Variants in TPRG1 observed in about 807,000 individuals in gnomAD.
TPRG1 encodes the protein tumor protein p63-regulated gene 1 protein.
A neutral mutation model predicts 29.3 loss-of-function variants in TPRG1; 29 were observed. The observed-to-expected ratio is 0.99, with a 90% confidence interval of 0.74 to 1.35. The LOEUF is 1.35. TPRG1 is among the 40% of genes most tolerant of loss of function. TPRG1 has a pLI of 0.00. For synonymous variants in TPRG1, 130 were observed against 116.8 expected, an observed-to-expected ratio of 1.11 and a Z score of -0.73; for missense variants, 327 against 335.0, an observed-to-expected ratio of 0.98 and a Z score of 0.19.
At chr3:189,014,790 C>A (rs1042143954) in intron 3 of TPRG1, among the ~76,000 whole-genome samples, 11 of 152,102 alleles carry the variant, frequency 7.2e-5, no homozygotes, top group Admixed American at 3.3e-4. Context: ...CCCTGAGGAG[C>A]CCCAGTCATG....
Position 189,323,427 on chromosome 3 carries a change from GT to G in TPRG1, c.*2608del, listed in dbSNP as rs1724481287. The G allele has an allele frequency of 6.6e-6, 1 of 152,074 alleles. No individual in the cohort carries two copies. The highest frequency in any genetic ancestry group is 2.4e-5 in the African/African-American group (1 of 41,414). 9.4% of individuals were successfully genotyped at this position (152,074 alleles called of 1,614,324 possible). A position where few individuals can be genotyped will look rare whatever the true frequency, so the allele number is the denominator to read the frequency against. ...CTTTTGCTTATTTCATAAAGATCTT[GT>G]GAGGATTCAATGAAATGAGGTTAAA... On this transcript the variant is annotated 3_prime_UTR_variant, in exon 6 of 6. Coordinates refer to ENST00000345063, the MANE Select transcript of TPRG1 (RefSeq NM_198485.4).
intron 3 of TPRG1, among the ~76,000 whole-genome samples, chr3:189,230,376 G>T (rs1738447979): frequency 6.6e-6 from 1 of 152,020 alleles, no homozygotes; most frequent in Non-Finnish European, 1.5e-5. Context: ...AGGCTTGGTT[G>T]TTCCATCTGT....
At chr3:189,211,913 CT>C (rs1288877323) in intron 2 of TPRG1, 1 of 152,038 alleles carries the variant, frequency 6.6e-6, no homozygotes, top group Non-Finnish European at 1.5e-5. Context: ...TTCAGTTCAT[CT>C]GCTATTATTG....
chr3:189,094,608 G>A (rs541557940), intron 4 of TPRG1, among the ~76,000 whole-genome samples: 4 of 152,220 alleles, frequency 2.6e-5, no homozygotes, highest in Admixed American at 6.5e-5. Context: ...TTAAATTTGC[G>A]TCATTTGTTC....
At chr3:189,297,272 T>C (rs541217052) in intron 4 of TPRG1, among the ~76,000 whole-genome samples, 1 of 152,150 alleles carries the variant, frequency 6.6e-6, no homozygotes, top group Admixed American at 6.5e-5. Context: ...TGAGCCACCA[T>C]GCCCGGCCAC....
At chr3:189,229,368 T>C (rs1738283817) in intron 3 of TPRG1, among the ~76,000 whole-genome samples, 1 of 152,104 alleles carries the variant, frequency 6.6e-6, no homozygotes, top group African/African-American at 2.4e-5. Flanking sequence ...CTATTTTCTG[T>C]GGTGGAAGTT....
chr3:189,100,729 T>C (rs1719093050), intron 1 of TPRG1, among the ~76,000 whole-genome samples: 1 of 152,184 alleles, frequency 6.6e-6, no homozygotes, highest in East Asian at 1.9e-4. Context: ...ATAAACCTTG[T>C]GATTGGCTGA....
chr3:189,103,660 T>A (rs1719470318), intron 1 of TPRG1, among the ~76,000 whole-genome samples: 1 of 152,032 alleles, frequency 6.6e-6, no homozygotes, highest in African/African-American at 2.4e-5. Flanking sequence ...AAAGCCAAGC[T>A]CACACCAAAA....
intron 4 of TPRG1, among the ~76,000 whole-genome samples, chr3:189,281,040 A>G (rs541479194): frequency 7.2e-4 from 110 of 152,316 alleles, no homozygotes; most frequent in African/African-American, 2.5e-3. Context: ...GACCCAATTC[A>G]GGCCCAATAA....
At chr3:189,005,523 T>C (rs1712244037) in intron 3 of TPRG1, among the ~76,000 whole-genome samples, 1 of 152,138 alleles carries the variant, frequency 6.6e-6, no homozygotes, top group Non-Finnish European at 1.5e-5. Flanking sequence ...AGTTGAATAT[T>C]TAGTAATTTA....
chr3:189,173,010 C>A (rs1729012496), intron 1 of TPRG1, among the ~76,000 whole-genome samples: 1 of 152,240 alleles, frequency 6.6e-6, no homozygotes, highest in African/African-American at 2.4e-5. Flanking sequence ...TACACTCATG[C>A]AATTTCCTCT....
chr3:189,224,617 G>T (rs966389958), intron 3 of TPRG1, among the ~76,000 whole-genome samples: 1 of 152,196 alleles, frequency 6.6e-6, no homozygotes, highest in East Asian at 1.9e-4. Context: ...GAGAGAACTA[G>T]AAACAAGCTA....
intron 3 of TPRG1, among the ~76,000 whole-genome samples, chr3:189,235,217 C>CCTT (rs1739269530): frequency 7.7e-6 from 1 of 129,694 alleles, no homozygotes; most frequent in Non-Finnish European, 1.6e-5. Context: ...ATGAGGTTTG[C>CCTT]TTTTTTTTTT....
At chr3:189,078,441 A>T (rs2152165743) in intron 4 of TPRG1, among the ~76,000 whole-genome samples, 1 of 151,860 alleles carries the variant, frequency 6.6e-6, no homozygotes, top group Admixed American at 6.6e-5. Context: ...CTGGCCAAAA[A>T]CCCTTTTCTT....
chr3:189,057,840 ATG>A (rs199604569), intron 4 of TPRG1, among the ~76,000 whole-genome samples: 1 of 111,330 alleles, frequency 9.0e-6, no homozygotes, highest in Admixed American at 8.3e-5. Context: ...ACACATATGT[ATG>A]TGTGTATATA....
At chr3:189,024,482 G>A (rs1167582027) in intron 4 of TPRG1, among the ~76,000 whole-genome samples, 1 of 152,236 alleles carries the variant, frequency 6.6e-6, no homozygotes, top group Non-Finnish European at 1.5e-5. Context: ...CCCTGGCTGG[G>A]AGCTCTTGCC....
At chr3:189,145,740 A>C (rs1036594029) in intron 3 of TPRG1, among the ~76,000 whole-genome samples, 2 of 152,250 alleles carry the variant, frequency 1.3e-5, no homozygotes, top group Non-Finnish European at 2.9e-5. Context: ...GACTGAAAAC[A>C]ATGAAGCAAA....
At chr3:189,029,963 C>T (rs777005806) in intron 4 of TPRG1, among the ~76,000 whole-genome samples, 5 of 152,212 alleles carry the variant, frequency 3.3e-5, no homozygotes, top group African/African-American at 1.2e-4. Flanking sequence ...GTACAGCCTG[C>T]AGAACTGTGA....
intron 4 of TPRG1, among the ~76,000 whole-genome samples, chr3:189,028,817 T>C (rs1713793041): frequency 6.6e-6 from 1 of 152,214 alleles, no homozygotes; most frequent in Non-Finnish European, 1.5e-5. Context: ...GTATTTCTAC[T>C]GTACGTTAGT....
Sources: gnomAD v4.1 joint callset for allele counts (sites outside exome capture counted in the v4.1 genomes callset) on GRCh38, gnomAD v4.1.1 for gene constraint, MANE v1.5 for transcripts, NCBI Gene and HGNC (gene_info 2026-07-23, HGNC 2026-07-21) for gene names.